FER: variants seen among roughly 807,000 people sequenced by gnomAD.
FER encodes the protein tyrosine-protein kinase Fer.
A neutral mutation model predicts 111.0 loss-of-function variants in FER; 63 were observed. The ratio of observed to expected loss-of-function variants is 0.57; its 90% CI spans 0.46 to 0.70. The LOEUF is 0.70. Ranked by LOEUF, FER falls within the 30% of genes least tolerant of loss-of-function variation. The probability of loss-of-function intolerance (pLI) is 0.00; values close to 1 mark genes in which losing one functional copy is unlikely to be tolerated. For missense variants in FER, 914 were observed against 954.0 expected, an observed-to-expected ratio of 0.96 and a Z score of 0.55; for synonymous variants, 327 against 313.9, an observed-to-expected ratio of 1.04 and a Z score of -0.44.
intron 13 of FER, among the ~76,000 whole-genome samples, chr5:108,992,719 G>A (rs1410185957): frequency 8.7e-5 from 13 of 148,634 alleles, no homozygotes; most frequent in East Asian, 2.1e-4. Context: ...GCTGCTGGGC[G>A]GAGACGCTCC....
At chr5:108,978,491 C>T (rs529577277) in intron 13 of FER, among the ~76,000 whole-genome samples, 3 of 152,306 alleles carry the variant, frequency 2.0e-5, no homozygotes, top group South Asian at 2.1e-4. Flanking sequence ...CTTAACTCTA[C>T]CAGTTCATAT....
chr5:109,004,948 AAAG>A (rs1765302913), intron 13 of FER, among the ~76,000 whole-genome samples: 1 of 152,100 alleles, frequency 6.6e-6, no homozygotes, highest in African/African-American at 2.4e-5. Flanking sequence ...TTTTTAATAA[AAAG>A]AACTACTGAT....
At chr5:108,831,799 T>A (rs1057045571) in intron 3 of FER, among the ~76,000 whole-genome samples, 12 of 152,198 alleles carry the variant, frequency 7.9e-5, no homozygotes, top group Non-Finnish European at 1.6e-4. Flanking sequence ...AGGAAAATAA[T>A]TCTGTTCATT....
intron 16 of FER, among the ~76,000 whole-genome samples, chr5:109,086,559 T>C (rs1332838323): frequency 6.6e-6 from 1 of 151,710 alleles, no homozygotes; most frequent in African/African-American, 2.4e-5. Flanking sequence ...CTTCCTACTT[T>C]CGTTTAAATT....
intron 13 of FER, among the ~76,000 whole-genome samples, chr5:109,024,485 C>G (rs370299414): frequency 2.6e-5 from 4 of 152,232 alleles, no homozygotes; most frequent in African/African-American, 7.2e-5. Flanking sequence ...ACAGGCAGGT[C>G]TCCTTTTTTC....
chr5:109,126,089 T>C (rs569550807), intron 17 of FER, among the ~76,000 whole-genome samples: 3 of 152,216 alleles, frequency 2.0e-5, no homozygotes, highest in Non-Finnish European at 4.4e-5. Flanking sequence ...CTGATCTTTT[T>C]TGGATTATCT....
chr5:108,835,799 T>G lies in FER; in HGVS notation c.473T>G (p.Leu158Ter). 1 of 1,535,944 alleles carries G rather than the reference T, an allele frequency of 6.5e-7. No individual in the cohort carries two copies. The highest frequency in any genetic ancestry group is 1.2e-5 in the South Asian group (1 of 80,598). Residue 158 changes from leucine to a stop codon, truncating the protein, a stop_gained, in exon 5 of 20, where the codon TTA (leucine) becomes TGA (stop). Transcript: ENST00000281092. LOFTEE classifies it high-confidence loss of function. Reference protein sequence around the residue: ...NSAKEKYKEALAKGKETEKAK... With the variant: ...NSAKEKYKEA ...GCCAAAGAGAAATATAAAGAAGCTTTAGCTAAAGGTAAGGCAAAATTTTAA... is the reference window on the plus strand; with the variant it reads ...GCCAAAGAGAAATATAAAGAAGCTTGAGCTAAAGGTAAGGCAAAATTTTAA...
At chr5:108,921,393 G>C (rs988304932) in intron 10 of FER, among the ~76,000 whole-genome samples, 1 of 152,134 alleles carries the variant, frequency 6.6e-6, no homozygotes. Context: ...ATCCCTGCTT[G>C]TTCCTTAAAC....
chr5:108,956,237 C>T lies in FER; in HGVS notation c.1533+1305C>T, dbSNP rs534973607. ...TAAGTTATGAATTTAGATAACCTACCCTATTACAATTTGCGACCATATTGC... is the reference window on the plus strand; with the variant it reads ...TAAGTTATGAATTTAGATAACCTACTCTATTACAATTTGCGACCATATTGC... On this transcript the variant is annotated intron_variant, in intron 12 of 19. Transcript: ENST00000281092. 9.2e-5 allele frequency among the ~76,000 whole-genome samples: 14 copies of T among 151,526 alleles called. No homozygotes were observed. In the South Asian group the frequency reaches 1.9e-3, roughly 20 times the overall value.
intron 18 of FER, among the ~76,000 whole-genome samples, chr5:109,182,864 CAG>C (rs1168371721): frequency 6.6e-6 from 1 of 152,016 alleles, no homozygotes; most frequent in Admixed American, 6.5e-5. Context: ...TTAATTGAGA[CAG>C]GGTCTTACTT....
At chr5:108,762,992 AAC>A (rs1751929912) in intron 1 of FER, among the ~76,000 whole-genome samples, 1 of 152,100 alleles carries the variant, frequency 6.6e-6, no homozygotes, top group African/African-American at 2.4e-5. Flanking sequence ...ATTACTACCT[AAC>A]ACTGTGTATT....
At chr5:109,001,638 A>G (rs931001672) in intron 13 of FER, among the ~76,000 whole-genome samples, 2 of 152,224 alleles carry the variant, frequency 1.3e-5, no homozygotes, top group South Asian at 4.1e-4. Flanking sequence ...GGCCAGGGCA[A>G]TTATGCAGGA....
At chr5:108,996,091 T>G (rs1197465209) in intron 13 of FER, among the ~76,000 whole-genome samples, 1 of 152,252 alleles carries the variant, frequency 6.6e-6, no homozygotes, top group Non-Finnish European at 1.5e-5. Flanking sequence ...TTCATATCCC[T>G]TGCCCACTTT....
chr5:109,009,429 T>C (rs1346912025), intron 13 of FER, among the ~76,000 whole-genome samples: 1 of 152,144 alleles, frequency 6.6e-6, no homozygotes, highest in Non-Finnish European at 1.5e-5. Flanking sequence ...ATCAGCGACC[T>C]ATTAGAAACC....
At chr5:108,923,835 A>G (rs1014098792) in intron 10 of FER, among the ~76,000 whole-genome samples, 7 of 152,130 alleles carry the variant, frequency 4.6e-5, no homozygotes, top group African/African-American at 1.7e-4. Context: ...TTTTCCTTTG[A>G]ATGAAGAATT....
At chr5:108,994,700 C>A (rs1467302332) in intron 13 of FER, among the ~76,000 whole-genome samples, 1 of 152,088 alleles carries the variant, frequency 6.6e-6, no homozygotes, top group East Asian at 1.9e-4. Context: ...TTGCTTTGGG[C>A]AGTATGGCCT....
intron 10 of FER, among the ~76,000 whole-genome samples, chr5:108,915,858 A>G (rs1225460534): frequency 2.0e-5 from 3 of 152,182 alleles, no homozygotes; most frequent in Non-Finnish European, 2.9e-5. Flanking sequence ...AAGGACAAAC[A>G]AAAAGGGAGT....
chr5:108,867,563 C>CCTT (rs113463407), intron 5 of FER, among the ~76,000 whole-genome samples: 33,539 of 151,936 alleles, frequency 0.22, 3,875 homozygotes, highest in African/African-American at 0.28. Context: ...CTACATGCCT[C>CCTT]CTTGGCAACC....
At chr5:108,841,878 TG>T in intron 5 of FER, 1 of 400,102 alleles carries the variant, frequency 2.5e-6, no homozygotes, top group Non-Finnish European at 4.9e-6. Context: ...TGTAAGTACC[TG>T]GGATTTGTAA....
Sources: gnomAD v4.1 joint callset for allele counts (sites outside exome capture counted in the v4.1 genomes callset) on GRCh38, gnomAD v4.1.1 for gene constraint, MANE v1.5 for transcripts, NCBI Gene and HGNC (gene_info 2026-07-23, HGNC 2026-07-21) for gene names.